WDR26: variants seen among roughly 807,000 people sequenced by gnomAD.
WDR26 encodes WD repeat-containing protein 26.
In WDR26, 5 loss-of-function variants were observed where a neutral mutation model predicts 84.1. The observed-to-expected ratio is 0.06, with a 90% CI of 0.03 to 0.13. The LOEUF (loss-of-function observed/expected upper bound fraction) is 0.13. WDR26 is among the 10% of genes least tolerant of loss of function. The probability of loss-of-function intolerance (pLI) is 1.00; values close to 1 mark genes in which losing one functional copy is unlikely to be tolerated. For missense variants in WDR26, 642 were observed against 974.9 expected, an observed-to-expected ratio of 0.66 and a Z score of 4.55; for synonymous variants, 415 against 389.6, an observed-to-expected ratio of 1.07 and a Z score of -0.77.
chr1:224,412,657 T>A (rs1558431335), intron 6 of WDR26, among the ~76,000 whole-genome samples: 2 of 152,200 alleles, frequency 1.3e-5, no homozygotes, highest in African/African-American at 4.8e-5. Flanking sequence ...AACCTCTATA[T>A]CAACTGTCCA....
intron 1 of WDR26, 42 bp from the exon 2 acceptor site, chr1:224,431,823 A>G: frequency 6.7e-7 from 1 of 1,502,206 alleles, no homozygotes; most frequent in Non-Finnish European, 9.1e-7. Flanking sequence ...GACCAATTTT[A>G]GGGTTTTAAT....
At chr1:224,432,327 A>G (rs144717817) in intron 1 of WDR26, among the ~76,000 whole-genome samples, 1 of 152,196 alleles carries the variant, frequency 6.6e-6, no homozygotes, top group East Asian at 1.9e-4. Flanking sequence ...GGTTCCAAAC[A>G]GTCACGAGTT....
rs144531645 is a variant in WDR26, at chr1:224,434,204, C to CGGAGGA, written c.196_201dup (p.Ser66_Ser67dup). On this transcript the variant is annotated inframe_insertion, in exon 1 of 14. Coordinates refer to ENST00000414423, the MANE Select transcript of WDR26 (RefSeq NM_001379403.1). ...GGGGGAAGTCCCACCACTACCACCA[C>CGGAGGA]GGAGGAGGAGGAGGAGGAGGAGGAC... 7.2e-4 allele frequency: 966 copies of CGGAGGA among 1,342,580 alleles called. 3 individuals carry two copies. The highest frequency in any genetic ancestry group is 6.1e-3 in the African/African-American group (399 of 65,478). 83.2% of individuals were successfully genotyped at this position (1,342,580 alleles called of 1,614,324 possible).
intron 7 of WDR26, among the ~76,000 whole-genome samples, chr1:224,407,340 G>C (rs1020031548): frequency 1.4e-5 from 2 of 146,996 alleles, no homozygotes; most frequent in Non-Finnish European, 3.0e-5. Context: ...TGGATTCTGC[G>C]GGGAATGGGT....
In WDR26 at chr1:224,385,247, C is replaced by A. The variant is rs1672955646; in HGVS notation, c.*4588G>T. On this transcript the variant is annotated 3_prime_UTR_variant, in exon 14 of 14. Transcript: ENST00000414423. Reference sequence around the variant, plus strand: ...GAAAAAGTGTCTTTAAAAAAAAATCCCAGTAAAGCAAATCAAAGTTAATGT... The same window carrying A: ...GAAAAAGTGTCTTTAAAAAAAAATCACAGTAAAGCAAATCAAAGTTAATGT... 6.6e-6 allele frequency: 1 copy of A among 151,900 alleles called. No individual in the cohort carries two copies. The highest frequency in any genetic ancestry group is 1.9e-4 in the East Asian group (1 of 5,184). The allele number at this position is 151,900 out of a possible 1,614,324, so 9.4% of individuals were successfully genotyped here.
intron 4 of WDR26, among the ~76,000 whole-genome samples, chr1:224,419,873 T>C (rs1674010314): frequency 1.2e-4 from 1 of 8,528 alleles, no homozygotes; most frequent in African/African-American, 1.5e-4. Flanking sequence ...ATGGCTCTTA[T>C]TGTGCAGGTT....
chr1:224,409,237 A>G (rs1673665697), intron 7 of WDR26, among the ~76,000 whole-genome samples: 1 of 152,224 alleles, frequency 6.6e-6, no homozygotes, highest in Non-Finnish European at 1.5e-5. Flanking sequence ...CTGCTGCTAG[A>G]ATTTATTATT....
At chr1:224,428,237 A>C (rs541209103) in intron 3 of WDR26, among the ~76,000 whole-genome samples, 23 of 152,286 alleles carry the variant, frequency 1.5e-4, no homozygotes, top group Non-Finnish European at 2.5e-4. Context: ...TATTAAACTG[A>C]ACTCAACATG....
At chr1:224,415,225 G>A (rs768259028) in intron 6 of WDR26, among the ~76,000 whole-genome samples, 1 of 152,108 alleles carries the variant, frequency 6.6e-6, no homozygotes, top group Non-Finnish European at 1.5e-5. Flanking sequence ...TTTTCACTGA[G>A]GTAGGGAATT....
Position 224,387,613 on chromosome 1 carries a change from G to A in WDR26, c.*2222C>T, listed in dbSNP as rs1249247828. On this transcript the variant is annotated 3_prime_UTR_variant, in exon 14 of 14. Transcript: ENST00000414423. ...AGGGGTGGTTAGGTGAAGTAGAGTA[G>A]AATCTGAGTGCCAAATTGCCCCTGA... The A allele has an allele frequency of 6.6e-6, 1 of 152,578 alleles. No homozygotes were observed. Among genetic ancestry groups the A allele is most frequent in the Non-Finnish European group, 1.5e-5 (1 of 68,028 alleles). 9.5% of individuals were successfully genotyped at this position (152,578 alleles called of 1,614,324 possible). A position where few individuals can be genotyped will look rare whatever the true frequency, so the allele number is the denominator to read the frequency against.
Position 224,407,122 on chromosome 1 carries a change from TA to T in WDR26, c.1459-2553del, listed in dbSNP as rs1158264938. 7.2e-3 allele frequency among the ~76,000 whole-genome samples: 84 copies of T among 11,670 alleles called. 1 individual carries two copies. The highest frequency in any genetic ancestry group is 8.6e-3 in the South Asian group (1 of 116). The allele number at this position is 11,670 out of a possible 152,430, so 7.7% of individuals were successfully genotyped here. ...GGGCGACACAGCGAGACTCTGTCTT[TA>T]AAAAAAAAAAAAAAAAAAAAAAAAA... is the stretch of plus-strand genomic sequence containing the variant. On this transcript the variant is annotated intron_variant, in intron 7 of 13. Coordinates refer to ENST00000414423, the MANE Select transcript of WDR26 (RefSeq NM_001379403.1).
chr1:224,388,926 C>T lies in WDR26; in HGVS notation c.*909G>A, dbSNP rs6696407. On this transcript the variant is annotated 3_prime_UTR_variant, in exon 14 of 14. Transcript: ENST00000414423. The stretch of plus-strand genomic sequence containing the variant: ...TCTTGAATTTCTTCAAGATCGGGTA[C>T]TGATGTTCCTTCAGGAATAAAACAA... 3.9e-4 allele frequency: 60 copies of T among 152,602 alleles called. No individual in the cohort carries two copies. Among genetic ancestry groups the T allele is most frequent in the African/African-American group, 1.3e-3 (56 of 41,546 alleles). The allele number at this position is 152,602 out of a possible 1,614,324, so 9.5% of individuals were successfully genotyped here.
chr1:224,390,625 T>G (rs1039125446), intron 13 of WDR26, among the ~76,000 whole-genome samples: 1 of 152,076 alleles, frequency 6.6e-6, no homozygotes, highest in Admixed American at 6.6e-5. Flanking sequence ...TTTGGGGAGG[T>G]GTATAACAGC....
chr1:224,407,402 G>A (rs1673612316), intron 7 of WDR26, among the ~76,000 whole-genome samples: 1 of 147,518 alleles, frequency 6.8e-6, no homozygotes, highest in South Asian at 2.1e-4. Flanking sequence ...AGTAGGCATT[G>A]GAATCACATC....
At chr1:224,430,256 T>C (rs1674353731) in intron 3 of WDR26, 1 of 152,182 alleles carries the variant, frequency 6.6e-6, no homozygotes, top group African/African-American at 2.4e-5. Flanking sequence ...TATTTTTCAA[T>C]TTTACTACAG....
intron 5 of WDR26, 176 bp downstream of exon 5, chr1:224,419,342 A>G (rs1673991352): frequency 1.8e-6 from 1 of 555,646 alleles, no homozygotes; most frequent in Non-Finnish European, 3.2e-6. Context: ...CCTTTCACTG[A>G]CTCCTGAGGT....
intron 8 of WDR26, among the ~76,000 whole-genome samples, chr1:224,403,893 C>T (rs1311074858): frequency 2.0e-5 from 3 of 151,992 alleles, no homozygotes; most frequent in Non-Finnish European, 4.4e-5. Flanking sequence ...GCCGAGATTG[C>T]GCCACCGCAC....
chr1:224,392,177 C>G (rs1170897144), intron 13 of WDR26, among the ~76,000 whole-genome samples: 1 of 151,962 alleles, frequency 6.6e-6, no homozygotes, highest in Non-Finnish European at 1.5e-5. Context: ...CTGGCTAACA[C>G]AGTGAAACCC....
At chr1:224,429,369 A>G (rs1045164444) in intron 3 of WDR26, 2 of 152,174 alleles carry the variant, frequency 1.3e-5, no homozygotes, top group African/African-American at 4.8e-5. Flanking sequence ...AATAAAGTAC[A>G]ATTTTAGTCT....
Sources: allele counts gnomAD v4.1 joint callset (sites outside exome capture counted in the v4.1 genomes callset), GRCh38; gene constraint gnomAD v4.1.1; transcripts MANE v1.5; gene names NCBI Gene and HGNC (gene_info 2026-07-23, HGNC 2026-07-21).